Variants in NFIA observed in about 807,000 individuals in gnomAD.
NFIA encodes nuclear factor 1 A-type.
Under a neutral mutation model 62.8 loss-of-function variants are expected in NFIA, and 8 were observed. The observed-to-expected ratio is 0.13, with a 90% CI of 0.07 to 0.23. The LOEUF is 0.23. Ranked by LOEUF, NFIA falls within the 10% of genes least tolerant of loss-of-function variation. The probability of loss-of-function intolerance (pLI) is 1.00; values close to 1 mark genes in which losing one functional copy is unlikely to be tolerated. For synonymous variants in NFIA, 235 were observed against 238.1 expected (o/e 0.99, Z 0.12); for missense variants, 410 against 642.1 (o/e 0.64, Z 3.91).
intron 1 of NFIA, among the ~76,000 whole-genome samples, chr1:61,083,914 C>G (rs1224134108): frequency 6.6e-6 from 1 of 152,138 alleles, no homozygotes; most frequent in Non-Finnish European, 1.5e-5. Context: ...CCATTCCTCC[C>G]TTGTCTACCC....
At chr1:61,185,354 T>C (rs1001237120) in intron 2 of NFIA, among the ~76,000 whole-genome samples, 1 of 152,180 alleles carries the variant, frequency 6.6e-6, no homozygotes, top group Non-Finnish European at 1.5e-5. Context: ...TGGAAATTTG[T>C]CAATCAAAAG....
At chr1:61,306,439 C>T (rs1002238290) in intron 3 of NFIA, among the ~76,000 whole-genome samples, 1 of 151,870 alleles carries the variant, frequency 6.6e-6, no homozygotes, top group Non-Finnish European at 1.5e-5. Flanking sequence ...CCATGCCTGG[C>T]TAATTTTGGT....
chr1:61,308,973 A>T (rs1047366840), intron 3 of NFIA, among the ~76,000 whole-genome samples: 4 of 152,194 alleles, frequency 2.6e-5, no homozygotes, highest in African/African-American at 9.6e-5. Flanking sequence ...TAAGAAATCC[A>T]TGCCATCATT....
chr1:61,293,000 C>G (rs1570527804), intron 3 of NFIA, among the ~76,000 whole-genome samples: 1 of 152,164 alleles, frequency 6.6e-6, no homozygotes, highest in Non-Finnish European at 1.5e-5. Flanking sequence ...TCTGATCTAC[C>G]TGTAGAAATT....
Position 61,428,382 on chromosome 1 carries a change from A to ATTT in NFIA, c.1512+1842_1512+1844dup, listed in dbSNP as rs34309622. ...GCCCAGTATTGGCATCTGGAACTGA[A>ATTT]TTTTTTTTTTTTTTTTTTGGTTTCT... On this transcript the variant is annotated intron_variant, in intron 10 of 10. Transcript: ENST00000403491. Among the ~76,000 whole-genome samples the ATTT allele has an allele frequency of 2.9e-3, 395 of 135,868 alleles. 6 individuals carry two copies. Among genetic ancestry groups the ATTT allele is most frequent in the East Asian group, 8.2e-3 (38 of 4,660 alleles). 89.1% of individuals were successfully genotyped at this position (135,868 alleles called of 152,430 possible).
intron 2 of NFIA, among the ~76,000 whole-genome samples, chr1:61,164,618 C>A (rs528742166): frequency 6.6e-6 from 1 of 152,150 alleles, no homozygotes; most frequent in Non-Finnish European, 1.5e-5. Flanking sequence ...CGCCGCCACG[C>A]CCGGCTAATT....
chr1:61,295,689 G>A (rs1039748125), intron 3 of NFIA, among the ~76,000 whole-genome samples: 46 of 152,258 alleles, frequency 3.0e-4, no homozygotes, highest in African/African-American at 7.7e-4. Context: ...CAGTTTCCTC[G>A]TCTGTAAAAT....
upstream of NFIA, among the ~76,000 whole-genome samples, chr1:61,080,322 T>TA (rs59492328): frequency 4.6e-5 from 7 of 151,982 alleles, no homozygotes; most frequent in South Asian, 2.1e-4. Flanking sequence ...CAGTCCTTTT[T>TA]AAAAAAAATC....
intron 2 of NFIA, among the ~76,000 whole-genome samples, chr1:61,243,795 A>G (rs940967481): frequency 2.6e-5 from 4 of 152,218 alleles, no homozygotes; most frequent in Non-Finnish European, 5.9e-5. Context: ...GCAAATTCCC[A>G]CATCACCATT....
At chr1:61,222,814 A>G (rs556013305) in intron 2 of NFIA, among the ~76,000 whole-genome samples, 1 of 152,072 alleles carries the variant, frequency 6.6e-6, no homozygotes, top group African/African-American at 2.4e-5. Context: ...TATATATGCT[A>G]CAGTGACATA....
At position 61,456,327 on chromosome 1, in the gene NFIA, A is replaced by G. The variant is rs2100596368; in HGVS notation, c.*1007A>G. 6.6e-6 allele frequency: 1 copy of G among 152,054 alleles called. No homozygotes were observed. Among genetic ancestry groups the G allele is most frequent in the Non-Finnish European group, 1.5e-5 (1 of 67,910 alleles). The allele number at this position is 152,054 out of a possible 1,614,324, so 9.4% of individuals were successfully genotyped here. ...AAAAGGGGAGCTATTTTTGCTTTTT[A>G]TGTTTTTTATTGTTAAACTTGTATC... On this transcript the variant is annotated 3_prime_UTR_variant, in exon 11 of 11. Transcript: ENST00000403491.
In NFIA at chr1:61,430,476, C is replaced by T. The variant is rs72915760; in HGVS notation, c.1512+3920C>T. ...GCAAAAAGTGAGATCATATTATATACGCTGTTTGGTAGCCTGCTGTTTCTT... is the reference window on the plus strand; with the variant it reads ...GCAAAAAGTGAGATCATATTATATATGCTGTTTGGTAGCCTGCTGTTTCTT... On this transcript the variant is annotated intron_variant, in intron 10 of 10. Coordinates refer to ENST00000403491, the MANE Select transcript of NFIA (RefSeq NM_001134673.4). 9.6e-3 allele frequency among the ~76,000 whole-genome samples: 1,465 copies of T among 152,246 alleles called. 15 individuals are homozygous for T. Among genetic ancestry groups the T allele is most frequent in the African/African-American group, 0.033 (1,360 of 41,556 alleles).
chr1:61,277,680 T>C (rs1657890554), intron 3 of NFIA, 95 bp downstream of exon 3: 4 of 1,170,656 alleles, frequency 3.4e-6, no homozygotes, highest in Admixed American at 4.0e-5. Context: ...ACCCTATAAG[T>C]AGCCCACAGT....
chr1:61,332,198 T>G (rs1056435021), intron 3 of NFIA, among the ~76,000 whole-genome samples: 1 of 152,240 alleles, frequency 6.6e-6, no homozygotes, highest in Non-Finnish European at 1.5e-5. Flanking sequence ...TCCCAATTGT[T>G]AAGGTCTTAG....
At chr1:61,247,368 T>G (rs1228998785) in intron 2 of NFIA, among the ~76,000 whole-genome samples, 1 of 152,230 alleles carries the variant, frequency 6.6e-6, no homozygotes, top group Non-Finnish European at 1.5e-5. Context: ...GCTTTCAGAA[T>G]GTATGTGTTT....
At chr1:61,100,468 A>G (rs1265525891) in intron 2 of NFIA, among the ~76,000 whole-genome samples, 2 of 152,214 alleles carry the variant, frequency 1.3e-5, no homozygotes. Context: ...CCTTGAGACA[A>G]GTCAGTGCCA....
chr1:61,411,685 A>G (rs771707037), intron 9 of NFIA, among the ~76,000 whole-genome samples: 54 of 151,908 alleles, frequency 3.6e-4, no homozygotes, highest in Admixed American at 2.0e-4. Flanking sequence ...AGGATATAAG[A>G]TGGTGATATG....
intron 2 of NFIA, among the ~76,000 whole-genome samples, chr1:61,191,856 C>T (rs1327901525): frequency 5.3e-5 from 8 of 152,272 alleles, no homozygotes; most frequent in Non-Finnish European, 5.9e-5. Context: ...CTTCTGAGTA[C>T]GTGAGTTTGG....
intron 2 of NFIA, among the ~76,000 whole-genome samples, chr1:61,241,908 G>A (rs1204677777): frequency 6.6e-6 from 1 of 152,070 alleles, no homozygotes; most frequent in Non-Finnish European, 1.5e-5. Flanking sequence ...TCTTTAGAAA[G>A]GGGAAAAGCC....
Sources: allele counts gnomAD v4.1 joint callset (sites outside exome capture counted in the v4.1 genomes callset), GRCh38; gene constraint gnomAD v4.1.1; transcripts MANE v1.5; gene names NCBI Gene and HGNC (gene_info 2026-07-23, HGNC 2026-07-21).